SLC66A2: variants seen among roughly 807,000 people sequenced by gnomAD.
SLC66A2 encodes solute carrier family 66 member 2, also known as PQ loop repeat containing 1.
Under a neutral mutation model 25.5 loss-of-function variants are expected in SLC66A2, and 23 were observed. That is an observed-to-expected ratio of 0.90 (90% CI 0.65 to 1.28). The LOEUF (loss-of-function observed/expected upper bound fraction) is 1.28. Ranked by LOEUF, SLC66A2 falls within the 50% of genes most tolerant of loss-of-function variation. The probability of loss-of-function intolerance (pLI) is 0.00; values close to 1 mark genes in which losing one functional copy is unlikely to be tolerated. For missense variants in SLC66A2, 396 were observed against 373.1 expected, an observed-to-expected ratio of 1.06 and a Z score of -0.51; for synonymous variants, 193 against 166.5, an observed-to-expected ratio of 1.16 and a Z score of -1.23.
chr18:79,935,680 G>A (rs768067259), intron 3 of SLC66A2, among the ~76,000 whole-genome samples: 1 of 152,166 alleles, frequency 6.6e-6, no homozygotes, highest in Non-Finnish European at 1.5e-5. Flanking sequence ...GGACCTGGCC[G>A]CCATGTTGTG....
chr18:79,928,997 G>T (rs769374255), intron 4 of SLC66A2, among the ~76,000 whole-genome samples: 36 of 152,182 alleles, frequency 2.4e-4, no homozygotes, highest in Admixed American at 9.2e-4. Context: ...GGGGATGGCG[G>T]TATCAGGATA....
rs746393189 is a variant in SLC66A2, at chr18:79,917,414, G to A, written c.608+1770C>T. 2.0e-4 allele frequency among the ~76,000 whole-genome samples: 31 copies of A among 152,198 alleles called. No individual in the cohort carries two copies. The highest frequency in any genetic ancestry group is 3.3e-4 in the Admixed American group (5 of 15,286). ...AGGCCGGCATGTGGGGTCCGGATCCGCTAGACCCTCACCACGAGGCTGTGG... is the reference window on the plus strand; with the variant it reads ...AGGCCGGCATGTGGGGTCCGGATCCACTAGACCCTCACCACGAGGCTGTGG... On this transcript the variant is annotated intron_variant, in intron 5 of 5. Transcript: ENST00000397778. This position sits in a 1 kb window ranked among gnomAD's most constrained non-coding sequence, Gnocchi z 6.0.
Position 79,950,798 on chromosome 18 carries a change from C to T in SLC66A2, c.129G>A (p.Thr43=), listed in dbSNP as rs2051093471. 6.2e-7 allele frequency: 1 copy of T among 1,613,186 alleles called. No homozygotes were observed. The highest frequency in any genetic ancestry group is 8.5e-7 in the Non-Finnish European group (1 of 1,179,994). ...AGGTGGAGAAGCCGTCGGCGTTCTG[C>T]GTCCTGCGAATGTCCCGATACTGCG... is the stretch of plus-strand genomic sequence containing the variant. ...YVPQYRDIRR[T]QNADGFSTYV... is the part of the protein sequence containing the mutation. Residue 43 remains threonine (T), a synonymous_variant, in exon 2 of 6, where the codon ACG becomes ACA. Transcript: ENST00000397778.
rs776374864 is a variant in SLC66A2, at chr18:79,919,407, C to A, written c.392-7G>T. On this transcript the variant is annotated splice_polypyrimidine_tract_variant and splice_region_variant and intron_variant, in intron 4 of 5. Coordinates refer to ENST00000397778, the MANE Select transcript of SLC66A2 (RefSeq NM_025078.5). ...AAGTGGTGGGGGTCGAAGTCTAGGG[C>A]GAGAGGGAGAAGCAGCCTCAGCACA... The A allele has an allele frequency of 6.2e-7, 1 of 1,610,794 alleles. No homozygotes were observed. The highest frequency in any genetic ancestry group is 8.5e-7 in the Non-Finnish European group (1 of 1,178,768).
Position 79,917,542 on chromosome 18 carries a change from G to A in SLC66A2, c.608+1642C>T, listed in dbSNP as rs1984353940. 6.6e-6 allele frequency among the ~76,000 whole-genome samples: 1 copy of A among 152,060 alleles called. No homozygotes were observed. Among genetic ancestry groups the A allele is most frequent in the Non-Finnish European group, 1.5e-5 (1 of 67,968 alleles). ...CTGCCCACAGGATCTCCAGCTGTGG[G>A]GTGGCTGGGGACGCCACACTCCGCC... is the stretch of plus-strand genomic sequence containing the variant. On this transcript the variant is annotated intron_variant, in intron 5 of 5. Transcript: ENST00000397778. This position sits in a 1 kb window ranked among gnomAD's most constrained non-coding sequence, Gnocchi z 6.0.
chr18:79,925,840 A>G (rs533977321), intron 4 of SLC66A2, among the ~76,000 whole-genome samples: 1 of 152,342 alleles, frequency 6.6e-6, no homozygotes, highest in Admixed American at 6.5e-5. Context: ...GAGCAACTCC[A>G]TTGTGAATAG....
In SLC66A2 at chr18:79,934,040, A is replaced by T; in HGVS notation, c.338-18T>A. On this transcript the variant is annotated intron_variant, in intron 3 of 5. Coordinates refer to ENST00000397778, the MANE Select transcript of SLC66A2 (RefSeq NM_025078.5). ...ATCTGCAGCTACACGTTAAAAAGGG[A>T]GACAGAAACAGAAAGGGGAAAAAGA... is the stretch of plus-strand genomic sequence containing the variant. 6.2e-7 allele frequency: 1 copy of T among 1,607,056 alleles called. No individual in the cohort carries two copies. The highest frequency in any genetic ancestry group is 8.5e-7 in the Non-Finnish European group (1 of 1,176,046).
Position 79,904,205 on chromosome 18 carries a change from G to A in SLC66A2, c.609-22C>T, listed in dbSNP as rs375235258. The A allele has an allele frequency of 1.4e-5, 22 of 1,609,840 alleles. No homozygotes were observed. The South Asian group carries it at 2.4e-4, about 18-fold the overall frequency. On this transcript the variant is annotated intron_variant, in intron 5 of 5. Coordinates refer to ENST00000397778, the MANE Select transcript of SLC66A2 (RefSeq NM_025078.5). The surrounding 1 kb of genome is among the most constrained non-coding windows in gnomAD (Gnocchi z 6.3). ...GATGCTGTGGAGACACAAGCAGGCG[G>A]TCAGCGGTGGGGAGGGCGGCGACCT...
chr18:79,932,785 TATAACAAG>T (rs2144874932), intron 4 of SLC66A2, among the ~76,000 whole-genome samples: 1 of 152,308 alleles, frequency 6.6e-6, no homozygotes, highest in Non-Finnish European at 1.5e-5. Context: ...TGAATAGACT[TATAACAAG>T]AGATTGAATT....
intron 1 of SLC66A2, 143 bp downstream of exon 1, chr18:79,951,438 G>C (rs2051124069): frequency 6.5e-6 from 1 of 153,162 alleles, no homozygotes; most frequent in African/African-American, 2.4e-5. Flanking sequence ...GGGGGCGCAC[G>C]GCTCGCGGGA....
At chr18:79,926,006 C>T (rs537928118) in intron 4 of SLC66A2, among the ~76,000 whole-genome samples, 2 of 152,316 alleles carry the variant, frequency 1.3e-5, no homozygotes, top group Admixed American at 1.3e-4. Context: ...ACAAAACCCA[C>T]CAAAACCAAG....
rs553596048 is a variant in SLC66A2, at chr18:79,924,414, G to T, written c.392-5014C>A. On this transcript the variant is annotated intron_variant, in intron 4 of 5. Coordinates refer to ENST00000397778, the MANE Select transcript of SLC66A2 (RefSeq NM_025078.5). ...AGACAGCAGACGAGCCGCCGTCGGG[G>T]CTGGGGGAAGACGGAACTTGGGGAA... is the stretch of plus-strand genomic sequence containing the variant. Among the ~76,000 whole-genome samples, 5 of 152,306 alleles carry T rather than the reference G, an allele frequency of 3.3e-5. 1 individual carries two copies. The highest frequency in any genetic ancestry group is 1.2e-4 in the African/African-American group (5 of 41,536).
intron 4 of SLC66A2, among the ~76,000 whole-genome samples, chr18:79,926,457 C>T (rs1443011070): frequency 6.6e-6 from 1 of 152,046 alleles, no homozygotes; most frequent in African/African-American, 2.4e-5. Context: ...GGAGAACTGC[C>T]ATGCAACAAG....
chr18:79,927,039 A>G lies in SLC66A2; in HGVS notation c.391+6930T>C, dbSNP rs1285136465. On this transcript the variant is annotated intron_variant, in intron 4 of 5. Transcript: ENST00000397778. The surrounding 1 kb of genome is among the most constrained non-coding windows in gnomAD (Gnocchi z 6.2). ...TCTCCAGGAAAAAACAAAAAAACGA[A>G]AAAACTTCTCACTTCCTTCAAATCC... 6.6e-6 allele frequency among the ~76,000 whole-genome samples: 1 copy of G among 152,242 alleles called. No individual in the cohort carries two copies. The highest frequency in any genetic ancestry group is 2.4e-5 in the African/African-American group (1 of 41,466).
chr18:79,907,842 G>A (rs1982360987), intron 5 of SLC66A2, among the ~76,000 whole-genome samples: 1 of 152,060 alleles, frequency 6.6e-6, no homozygotes, highest in African/African-American at 2.4e-5. Context: ...ATAATACCAA[G>A]ATAGTCCCCC....
rs1055154895 is a variant in SLC66A2, at chr18:79,934,459, G to T, written c.338-437C>A. ...AGCTGCCCCAGGTCAAAACTCTTCAGAAGGCTGCCTGATAAAGCTGTTTTC... is the reference window on the plus strand; with the variant it reads ...AGCTGCCCCAGGTCAAAACTCTTCATAAGGCTGCCTGATAAAGCTGTTTTC... On this transcript the variant is annotated intron_variant, in intron 3 of 5. Coordinates refer to ENST00000397778, the MANE Select transcript of SLC66A2 (RefSeq NM_025078.5). 2.0e-5 allele frequency among the ~76,000 whole-genome samples: 3 copies of T among 152,164 alleles called. 1 individual carries two copies. The highest frequency in any genetic ancestry group is 7.2e-5 in the African/African-American group (3 of 41,438).
At chr18:79,912,127 A>ACGGAGT (rs1983296719) in intron 5 of SLC66A2, among the ~76,000 whole-genome samples, 3 of 64,848 alleles carry the variant, frequency 4.6e-5, no homozygotes, top group African/African-American at 1.2e-4. Flanking sequence ...GGGAGCAGGG[A>ACGGAGT]GGGAGTGGGA....
chr18:79,919,188 T>C lies in SLC66A2; in HGVS notation c.604A>G (p.Met202Val), dbSNP rs779490691. 26 of 1,612,622 alleles carry C rather than the reference T, an allele frequency of 1.6e-5. No homozygotes were observed. Among genetic ancestry groups the C allele is most frequent in the Non-Finnish European group, 2.0e-5 (24 of 1,179,764 alleles). ...GTGGCGGCATCCCCGGCCTACCTCA[T>C]GCCCTCCGTGGACTGGTGGCGGTGG... ...RNHRHQSTEG[M>V]SIKMVLMWTS... Residue 202 changes from methionine to valine, a missense_variant, in exon 5 of 6, where the codon ATG (methionine) becomes GTG (valine). By Grantham distance (21) the Met-to-Val change is conservative. Transcript: ENST00000397778.
chr18:79,926,297 T>C (rs1985938138), intron 4 of SLC66A2, among the ~76,000 whole-genome samples: 1 of 152,082 alleles, frequency 6.6e-6, no homozygotes, highest in South Asian at 2.1e-4. Context: ...TCAAATTCTT[T>C]CTTGTGCGAG....
Sources: allele counts gnomAD v4.1 joint callset (sites outside exome capture counted in the v4.1 genomes callset), GRCh38; gene constraint gnomAD v4.1.1; non-coding constraint Gnocchi (gnomAD v3.1); transcripts MANE v1.5; gene names NCBI Gene and HGNC (gene_info 2026-07-23, HGNC 2026-07-21).